The following MEF2D variants were observed in gnomAD, a reference collection of about 807,000 sequenced individuals.
MEF2D encodes myocyte enhancer factor 2D, also known as myocyte-specific enhancer factor 2D.
Under a neutral mutation model 59.3 loss-of-function variants are expected in MEF2D, and 10 were observed. That is an observed-to-expected ratio of 0.17 (90% CI 0.10 to 0.29). MEF2D has a LOEUF of 0.29. Ranked by LOEUF, MEF2D falls within the 10% of genes least tolerant of loss-of-function variation. The pLI, the probability that MEF2D is intolerant of heterozygous loss-of-function variation, is 1.00. For missense variants in MEF2D, 508 were observed against 699.4 expected (o/e 0.73, Z 3.09); for synonymous variants, 305 against 295.0 (o/e 1.03, Z -0.35).
At chr1:156,477,608 T>G (rs1671702953) in intron 6 of MEF2D, among the ~76,000 whole-genome samples, 1 of 152,158 alleles carries the variant, frequency 6.6e-6, no homozygotes, top group South Asian at 2.1e-4. Flanking sequence ...GGTCCCACAG[T>G]CTACCCCGGA....
At chr1:156,467,887 C>T (rs1485634842) in intron 11 of MEF2D, 106 bp downstream of exon 11, 36 of 1,419,896 alleles carry the variant, frequency 2.5e-5, no homozygotes, top group Middle Eastern at 1.8e-4. Context: ...AAGGGGTAGC[C>T]GGCCACAAGG....
intron 9 of MEF2D, among the ~76,000 whole-genome samples, chr1:156,471,894 C>T (rs754087668): frequency 6.6e-6 from 1 of 152,214 alleles, no homozygotes; most frequent in Non-Finnish European, 1.5e-5. Flanking sequence ...AGCCTGTGGT[C>T]TCTGAGAGGA....
rs927866897 is a variant in MEF2D at position 156,481,058 on chromosome 1, C to T, written c.259-87G>A. The T allele has an allele frequency of 8.9e-6, 14 of 1,567,096 alleles. No individual in the cohort carries two copies. In the African/African-American group the frequency reaches 1.8e-4, roughly 20 times the overall value. On this transcript the variant is annotated intron_variant, in intron 3 of 11. Coordinates refer to ENST00000348159, the MANE Select transcript of MEF2D (RefSeq NM_005920.4). ...CCTTCCAGCCCCTCCCTAAGGGCCC[C>T]CTACTCTTCCCCGACCTCCTTCTTC... is the stretch of plus-strand genomic sequence containing the variant.
intron 1 of MEF2D, among the ~76,000 whole-genome samples, chr1:156,495,777 A>AAAAAAAAAAAAAAAAAAC (rs1259675899): frequency 6.6e-6 from 1 of 150,620 alleles, no homozygotes; most frequent in Non-Finnish European, 1.5e-5. Flanking sequence ...AAAAAAAAAA[A>AAAAAAAAAAAAAAAAAAC]AGCTCCCTCT....
intron 9 of MEF2D, among the ~76,000 whole-genome samples, chr1:156,469,518 A>G (rs1409945132): frequency 1.3e-5 from 2 of 151,988 alleles, no homozygotes; most frequent in African/African-American, 2.4e-5. Flanking sequence ...TCGGCCTCCC[A>G]AAGTGCTGGG....
chr1:156,490,124 G>A lies in MEF2D; in HGVS notation c.-138-6694C>T, dbSNP rs570657097. On this transcript the variant is annotated intron_variant, in intron 1 of 11. Transcript: ENST00000348159. The stretch of plus-strand genomic sequence containing the variant: ...GGGGCATTACCCCTCCGAAGTCTGA[G>A]CCAAGGCAGGAGCCTCACATTGTCC... Among the ~76,000 whole-genome samples, 8 of 152,192 alleles carry A rather than the reference G, an allele frequency of 5.3e-5. No homozygotes were observed. The South Asian group carries it at 1.0e-3, about 20-fold the overall frequency.
At chr1:156,493,107 G>A (rs752024385) in intron 1 of MEF2D, among the ~76,000 whole-genome samples, 5 of 152,178 alleles carry the variant, frequency 3.3e-5, no homozygotes, top group Non-Finnish European at 5.9e-5. Context: ...ACAGCACTGA[G>A]ACAGGGCTGC....
intron 9 of MEF2D, 58 bp downstream of exon 9, chr1:156,475,050 G>A (rs1571227111): frequency 6.2e-7 from 1 of 1,610,866 alleles, no homozygotes; most frequent in East Asian, 2.2e-5. Flanking sequence ...ATTTCTGTCT[G>A]GTCACTTGCC....
At chr1:156,489,723 G>A (rs1285612138) in intron 1 of MEF2D, among the ~76,000 whole-genome samples, 1 of 152,152 alleles carries the variant, frequency 6.6e-6, no homozygotes, top group African/African-American at 2.4e-5. Context: ...CAGGGCAAGG[G>A]CAGGGAGAGG....
At chr1:156,475,007 C>T (rs1397906059) in intron 9 of MEF2D, 101 bp downstream of exon 9, 80 of 1,547,318 alleles carry the variant, frequency 5.2e-5, no homozygotes, top group Non-Finnish European at 6.9e-5. Flanking sequence ...CAGTAGCCCT[C>T]CTCAGATGTG....
At chr1:156,483,050 T>A (rs1020999388) in intron 2 of MEF2D, among the ~76,000 whole-genome samples, 189 bp downstream of exon 2, 2 of 151,826 alleles carry the variant, frequency 1.3e-5, no homozygotes, top group African/African-American at 4.8e-5. Flanking sequence ...AGTCCTGGAG[T>A]CCAGGGACGC....
At chr1:156,469,500 C>T (rs999496765) in intron 9 of MEF2D, among the ~76,000 whole-genome samples, 6 of 151,878 alleles carry the variant, frequency 4.0e-5, no homozygotes, top group Non-Finnish European at 5.9e-5. Flanking sequence ...TCAAGTGATT[C>T]GCCCACCTCG....
In MEF2D at chr1:156,475,216, C is replaced by A; in HGVS notation, c.898G>T (p.Val300Phe). ...GTGAGCGAATGAGTAGACTGGGAGA[C>A]CCCAAGGCGCTGGGCATTGTTCTGT... Reference protein sequence around the residue: ...LDLNNAQRLGVSQSTHSLTTP... With the variant: ...LDLNNAQRLGFSQSTHSLTTP... The change falls in exon 9 of 12, where the codon GTC becomes TTC. Residue 300 changes from valine (V) to phenylalanine (F), a missense_variant. Physicochemically the swap from Val to Phe is conservative, Grantham distance 50 (BLOSUM62 -1). Coordinates refer to ENST00000348159, the MANE Select transcript of MEF2D (RefSeq NM_005920.4). 6.2e-7 allele frequency: 1 copy of A among 1,612,682 alleles called. No individual in the cohort carries two copies. Among genetic ancestry groups the A allele is most frequent in the Non-Finnish European group, 8.5e-7 (1 of 1,179,288 alleles).
chr1:156,472,295 A>T (rs967231398), intron 9 of MEF2D, among the ~76,000 whole-genome samples: 5 of 152,204 alleles, frequency 3.3e-5, no homozygotes, highest in African/African-American at 9.6e-5. Flanking sequence ...CTCCTCTTAC[A>T]GATGGGGAGA....
At chr1:156,488,947 C>T (rs1672560532) in intron 1 of MEF2D, among the ~76,000 whole-genome samples, 1 of 152,044 alleles carries the variant, frequency 6.6e-6, no homozygotes, top group African/African-American at 2.4e-5. Flanking sequence ...CCCCTACACC[C>T]TTCCACCCAT....
chr1:156,467,308 A>G lies in MEF2D; in HGVS notation c.*337T>C, dbSNP rs1245001703. Reference sequence around the variant, plus strand: ...GCACCTGTCCTTTCCCAAAGGCCTTATTGGGCCCCCCACCCCCTTCCTGCA... The same window carrying G: ...GCACCTGTCCTTTCCCAAAGGCCTTGTTGGGCCCCCCACCCCCTTCCTGCA... On this transcript the variant is annotated 3_prime_UTR_variant, in exon 12 of 12. Coordinates refer to ENST00000348159, the MANE Select transcript of MEF2D (RefSeq NM_005920.4). 1 of 152,670 alleles carries G rather than the reference A, an allele frequency of 6.6e-6. No individual in the cohort carries two copies. 9.5% of individuals were successfully genotyped at this position (152,670 alleles called of 1,614,324 possible).
chr1:156,479,274 G>C lies in MEF2D; in HGVS notation c.664+16C>G. On this transcript the variant is annotated intron_variant, in intron 6 of 11. Coordinates refer to ENST00000348159, the MANE Select transcript of MEF2D (RefSeq NM_005920.4). ...CACCCCTCCCCACCTCCAGGTAGAA[G>C]GATGACTGCACTCACCAACAGGGCT... The C allele has an allele frequency of 6.2e-7, 1 of 1,603,046 alleles. No individual in the cohort carries two copies. The highest frequency in any genetic ancestry group is 8.5e-7 in the Non-Finnish European group (1 of 1,175,708).
At chr1:156,467,839 G>A (rs1670953868) in intron 11 of MEF2D, 154 bp downstream of exon 11, 1 of 1,093,654 alleles carries the variant, frequency 9.1e-7, no homozygotes, top group South Asian at 1.6e-5. Context: ...TTTGGCAGGG[G>A]TGAAGGGGTG....
At chr1:156,482,790 G>T in intron 2 of MEF2D, 150 bp from the exon 3 acceptor site, 1 of 737,622 alleles carries the variant, frequency 1.4e-6, no homozygotes, top group Non-Finnish European at 2.3e-6. Context: ...TCCCTGGTTT[G>T]GGGAAGGACC....
Sources: gnomAD v4.1 joint callset for allele counts (sites outside exome capture counted in the v4.1 genomes callset) on GRCh38, gnomAD v4.1.1 for gene constraint, MANE v1.5 for transcripts, NCBI Gene and HGNC (gene_info 2026-07-23, HGNC 2026-07-21) for gene names.